SNTG1: variants seen among roughly 807,000 people sequenced by gnomAD.
The protein encoded by SNTG1 is gamma-1-syntrophin.
A neutral mutation model predicts 74.7 loss-of-function variants in SNTG1; 39 were observed. The ratio of observed to expected loss-of-function variants is 0.52; its 90% confidence interval spans 0.40 to 0.68. The LOEUF (loss-of-function observed/expected upper bound fraction) is 0.68, where lower values mean the gene tolerates loss of function less well. Among genes scored for constraint, SNTG1 ranks in the 30% least tolerant of loss-of-function variants. SNTG1 has a pLI of 0.00. For synonymous variants in SNTG1, 254 were observed against 217.1 expected (o/e 1.17, Z -1.49); for missense variants, 685 against 609.5 (o/e 1.12, Z -1.30).
intron 2 of SNTG1, among the ~76,000 whole-genome samples, chr8:50,212,457 A>G (rs1055405371): frequency 3.3e-5 from 5 of 152,140 alleles, no homozygotes; most frequent in Non-Finnish European, 5.9e-5. Flanking sequence ...TACCTATTGA[A>G]CATTCATTAG....
intron 12 of SNTG1, among the ~76,000 whole-genome samples, chr8:50,578,781 C>T (rs1328084601): frequency 6.6e-6 from 1 of 152,144 alleles, no homozygotes; most frequent in Non-Finnish European, 1.5e-5. Context: ...ATTGTGTTTC[C>T]TGAGGGCCTC....
intron 8 of SNTG1, among the ~76,000 whole-genome samples, chr8:50,488,828 G>A (rs117880286): frequency 0.011 from 1,619 of 152,184 alleles, 15 homozygotes; most frequent in South Asian, 0.022. Flanking sequence ...TGCAGAACGC[G>A]CAGGTTTGTT....
intron 9 of SNTG1, among the ~76,000 whole-genome samples, chr8:50,529,606 A>G (rs2094249818): frequency 6.6e-6 from 1 of 152,062 alleles, no homozygotes; most frequent in South Asian, 2.1e-4. Context: ...TTAAGGCATT[A>G]CTCATCTTTA....
intron 1 of SNTG1, among the ~76,000 whole-genome samples, chr8:50,095,071 G>A (rs537246691): frequency 9.2e-5 from 14 of 152,162 alleles, no homozygotes; most frequent in South Asian, 8.3e-4. Context: ...ACCAAATACC[G>A]CATATTCTCA....
chr8:50,285,837 T>A (rs1056403933), intron 2 of SNTG1, among the ~76,000 whole-genome samples: 11 of 151,966 alleles, frequency 7.2e-5, no homozygotes, highest in African/African-American at 2.7e-4. Context: ...ACAAAGGTGC[T>A]TATTAACGTG....
chr8:50,092,034 G>A (rs1027484150), intron 1 of SNTG1, among the ~76,000 whole-genome samples: 20 of 151,994 alleles, frequency 1.3e-4, no homozygotes, highest in Non-Finnish European at 1.2e-4. Flanking sequence ...TTCCCACTTC[G>A]TATTCTAAGG....
intron 1 of SNTG1, among the ~76,000 whole-genome samples, chr8:50,066,117 A>C (rs1295269578): frequency 1.3e-5 from 2 of 152,266 alleles, no homozygotes; most frequent in African/African-American, 4.8e-5. Context: ...CAGGAGGCTG[A>C]GGCAGGAGAA....
chr8:49,922,859 A>G (rs1239392119), intron 1 of SNTG1, among the ~76,000 whole-genome samples: 1 of 152,144 alleles, frequency 6.6e-6, no homozygotes, highest in East Asian at 1.9e-4. Flanking sequence ...AAAAAAATCA[A>G]TGACTTGGAT....
At chr8:50,107,179 A>T (rs1293513241) in intron 1 of SNTG1, among the ~76,000 whole-genome samples, 1 of 152,182 alleles carries the variant, frequency 6.6e-6, no homozygotes, top group African/African-American at 2.4e-5. Context: ...TTATATTTTC[A>T]TCTTCTAAAT....
rs562173766 is a variant in SNTG1, at chr8:50,315,634, T to A, written c.-27-78578T>A. 2.7e-5 allele frequency among the ~76,000 whole-genome samples: 4 copies of A among 149,982 alleles called. 1 individual carries two copies. In the East Asian group the frequency reaches 7.9e-4, roughly 29 times the overall value. ...AAGCAGAAAACCTGCAGTGTAGAAC[T>A]AAAATGAAGCATACTTCAAGTATGT... On this transcript the variant is annotated intron_variant, in intron 2 of 18. Coordinates refer to ENST00000642720, the MANE Select transcript of SNTG1 (RefSeq NM_018967.5).
intron 2 of SNTG1, among the ~76,000 whole-genome samples, chr8:50,254,458 TC>T (rs2086784836): frequency 6.6e-6 from 1 of 152,198 alleles, no homozygotes; most frequent in African/African-American, 2.4e-5. Flanking sequence ...ACATTTAAAC[TC>T]CTTGGTAATT....
chr8:50,162,046 CTG>C (rs1426632647), intron 1 of SNTG1, among the ~76,000 whole-genome samples: 1 of 152,066 alleles, frequency 6.6e-6, no homozygotes, highest in Non-Finnish European at 1.5e-5. Flanking sequence ...AGAAGAAATG[CTG>C]TGTGATTTGT....
intron 4 of SNTG1, among the ~76,000 whole-genome samples, chr8:50,416,710 T>G (rs927313409): frequency 3.3e-5 from 5 of 152,142 alleles, no homozygotes; most frequent in African/African-American, 4.8e-5. Context: ...TATCACATCA[T>G]TATTTTGCTA....
chr8:50,682,699 C>A (rs1055416506), intron 15 of SNTG1, among the ~76,000 whole-genome samples: 1 of 151,992 alleles, frequency 6.6e-6, no homozygotes, highest in African/African-American at 2.4e-5. Flanking sequence ...AGTTTGACTC[C>A]AAGTAAAATA....
chr8:49,924,949 A>C lies in SNTG1; in HGVS notation c.-103+12718A>C, dbSNP rs190137429. On this transcript the variant is annotated intron_variant, in intron 1 of 18. Coordinates refer to ENST00000642720, the MANE Select transcript of SNTG1 (RefSeq NM_018967.5). ...AGGATCGCTTGAGGCCAGGAGTTCG[A>C]GATCAGCCTGGACAACAAAGTGAGA... Among the ~76,000 whole-genome samples, 521 of 152,102 alleles carry C rather than the reference A, an allele frequency of 3.4e-3. 3 individuals are homozygous for C. The highest frequency in any genetic ancestry group is 0.012 in the African/African-American group (499 of 41,490).
intron 2 of SNTG1, among the ~76,000 whole-genome samples, chr8:50,327,825 T>C (rs2090813250): frequency 6.6e-6 from 1 of 152,128 alleles, no homozygotes; most frequent in Admixed American, 6.5e-5. Context: ...GTCAGCTCCT[T>C]ATTTTTTCAC....
chr8:50,161,097 A>G (rs866423955), intron 1 of SNTG1, among the ~76,000 whole-genome samples: 25 of 152,244 alleles, frequency 1.6e-4, no homozygotes, highest in African/African-American at 6.0e-4. Context: ...ATATTATTCT[A>G]AATGATACTG....
chr8:49,932,670 C>T (rs1807705591), intron 1 of SNTG1, among the ~76,000 whole-genome samples: 1 of 151,946 alleles, frequency 6.6e-6, no homozygotes, highest in African/African-American at 2.4e-5. Context: ...AATTTAGTGG[C>T]TTTTAGTCTA....
At chr8:50,778,341 C>T (rs1354774235) in intron 18 of SNTG1, among the ~76,000 whole-genome samples, 4 of 152,090 alleles carry the variant, frequency 2.6e-5, no homozygotes, top group Non-Finnish European at 5.9e-5. Flanking sequence ...TGTTCCTATT[C>T]CTCCACATCC....
Sources: gnomAD v4.1 joint callset for allele counts (sites outside exome capture counted in the v4.1 genomes callset) on GRCh38, gnomAD v4.1.1 for gene constraint, MANE v1.5 for transcripts, NCBI Gene and HGNC (gene_info 2026-07-23, HGNC 2026-07-21) for gene names.